ADAMTSL1: variants seen among roughly 807,000 people sequenced by gnomAD.
ADAMTSL1 encodes ADAMTS-like protein 1.
In ADAMTSL1, 126 loss-of-function variants were observed where a neutral mutation model predicts 201.8. The ratio of observed to expected loss-of-function variants is 0.62; its 90% CI spans 0.54 to 0.72. The LOEUF is 0.72. Ranked by LOEUF, ADAMTSL1 falls within the 30% of genes least tolerant of loss-of-function variation. The pLI, the probability that ADAMTSL1 is intolerant of heterozygous loss-of-function variation, is 0.00. For synonymous variants in ADAMTSL1, 1,121 were observed against 903.4 expected (o/e 1.24, Z -4.32); for missense variants, 2,679 against 2,277.8 (o/e 1.18, Z -3.59).
chr9:18,282,061 CA>C (rs1481604038), intron 2 of ADAMTSL1, among the ~76,000 whole-genome samples: 1 of 152,108 alleles, frequency 6.6e-6, no homozygotes, highest in Non-Finnish European at 1.5e-5. Flanking sequence ...ACCCATTACA[CA>C]AATAGTGGAC....
intron 1 of ADAMTSL1, among the ~76,000 whole-genome samples, chr9:18,134,671 C>G (rs10810906): frequency 0.43 from 65,987 of 151,992 alleles, 14,627 homozygotes; most frequent in South Asian, 0.49. Flanking sequence ...TGTGGTGGTT[C>G]TTTCTTTAAA....
chr9:18,491,426 G>A (rs1274567474), intron 1 of ADAMTSL1, among the ~76,000 whole-genome samples: 2 of 152,118 alleles, frequency 1.3e-5, no homozygotes, highest in African/African-American at 2.4e-5. Flanking sequence ...CTTCTTGCTG[G>A]AAACAAAAAG....
At chr9:18,718,116 A>C (rs4977339) in intron 14 of ADAMTSL1, 652,512 of 1,162,632 alleles carry the variant, frequency 0.56, 185,882 homozygotes, top group Admixed American at 0.68. Context: ...CAGTTGTTCC[A>C]TTGTCTTGCT....
intron 7 of ADAMTSL1, among the ~76,000 whole-genome samples, chr9:18,642,217 A>G (rs928390520): frequency 6.6e-6 from 1 of 152,014 alleles, no homozygotes; most frequent in Non-Finnish European, 1.5e-5. Context: ...TTTTTCTTCA[A>G]GGCATGGCAG....
At chr9:18,854,239 C>G (rs1158290779) in intron 23 of ADAMTSL1, among the ~76,000 whole-genome samples, 1 of 151,090 alleles carries the variant, frequency 6.6e-6, no homozygotes, top group African/African-American at 2.4e-5. Context: ...CATATGCACG[C>G]ACACACACAC....
intron 1 of ADAMTSL1, among the ~76,000 whole-genome samples, chr9:18,158,636 C>G (rs1021913240): frequency 6.6e-6 from 1 of 151,992 alleles, no homozygotes; most frequent in Non-Finnish European, 1.5e-5. Flanking sequence ...CATTCAACAT[C>G]TTTAATAAAG....
At chr9:18,595,943 C>T (rs898102965) in intron 4 of ADAMTSL1, among the ~76,000 whole-genome samples, 2 of 152,186 alleles carry the variant, frequency 1.3e-5, no homozygotes, top group Non-Finnish European at 2.9e-5. Flanking sequence ...CTTTCACAGA[C>T]TCCTATCTGA....
At chr9:18,365,947 T>G in intron 2 of ADAMTSL1, among the ~76,000 whole-genome samples, 1 of 152,142 alleles carries the variant, frequency 6.6e-6, no homozygotes, top group Non-Finnish European at 1.5e-5. Flanking sequence ...ATCTAATGCC[T>G]GATGATTTGA....
chr9:18,823,854 T>C (rs1283061491), intron 21 of ADAMTSL1, among the ~76,000 whole-genome samples: 1 of 152,078 alleles, frequency 6.6e-6, no homozygotes, highest in African/African-American at 2.4e-5. Context: ...CTGGGCGTGG[T>C]GGTGCACGCC....
chr9:17,924,488 A>T (rs1027579219), intron 1 of ADAMTSL1, among the ~76,000 whole-genome samples: 2 of 151,920 alleles, frequency 1.3e-5, no homozygotes, highest in Non-Finnish European at 2.9e-5. Context: ...ACAGCATGGT[A>T]CTGGTACCAA....
At chr9:18,571,657 C>G (rs1027237023) in intron 3 of ADAMTSL1, among the ~76,000 whole-genome samples, 1 of 152,142 alleles carries the variant, frequency 6.6e-6, no homozygotes, top group African/African-American at 2.4e-5. Context: ...GACAGAGACT[C>G]TATCGTATCT....
chr9:18,134,839 A>G (rs1167347017), intron 1 of ADAMTSL1, among the ~76,000 whole-genome samples: 3 of 152,182 alleles, frequency 2.0e-5, no homozygotes, highest in African/African-American at 7.2e-5. Context: ...TTTAGCACAG[A>G]CAATAAGGAC....
intron 1 of ADAMTSL1, among the ~76,000 whole-genome samples, chr9:18,086,112 T>C (rs1006932220): frequency 6.6e-6 from 1 of 152,072 alleles, no homozygotes; most frequent in Non-Finnish European, 1.5e-5. Context: ...AGATAATTTT[T>C]TGAGGGAAAT....
chr9:18,908,438 C>A lies in ADAMTSL1; in HGVS notation c.5183-4C>A. The A allele has an allele frequency of 6.4e-7, 1 of 1,554,696 alleles. No homozygotes were observed. Among genetic ancestry groups the A allele is most frequent in the East Asian group, 2.4e-5 (1 of 41,130 alleles). On this transcript the variant is annotated splice_polypyrimidine_tract_variant and splice_region_variant and intron_variant, in intron 28 of 28. Coordinates refer to ENST00000380548, the MANE Select transcript of ADAMTSL1 (RefSeq NM_001040272.6). ...CCTCTCCCGACCCCGTCCTCCTTTC[C>A]CAGTGGAGTGCAGAGACACCACCAG...
At chr9:18,414,600 T>G (rs1375128511) in intron 2 of ADAMTSL1, among the ~76,000 whole-genome samples, 1 of 152,190 alleles carries the variant, frequency 6.6e-6, no homozygotes, top group Non-Finnish European at 1.5e-5. Flanking sequence ...TGCTCTAACT[T>G]ACTTCCTTGA....
intron 2 of ADAMTSL1, among the ~76,000 whole-genome samples, chr9:18,382,360 G>T (rs950578168): frequency 6.6e-6 from 1 of 152,128 alleles, no homozygotes; most frequent in African/African-American, 2.4e-5. Context: ...TATCACATGT[G>T]ACCTTCTCAT....
At chr9:18,651,822 C>G (rs1460498184) in intron 7 of ADAMTSL1, among the ~76,000 whole-genome samples, 2 of 151,988 alleles carry the variant, frequency 1.3e-5, no homozygotes, top group Non-Finnish European at 2.9e-5. Context: ...GGATACAAAA[C>G]TTGCTTTTAT....
intron 2 of ADAMTSL1, among the ~76,000 whole-genome samples, chr9:18,515,113 A>G (rs1169998481): frequency 1.3e-5 from 2 of 152,198 alleles, no homozygotes; most frequent in African/African-American, 2.4e-5. Flanking sequence ...CTTTTAAAAA[A>G]AATACAGATA....
intron 2 of ADAMTSL1, among the ~76,000 whole-genome samples, chr9:18,376,029 C>T (rs867120367): frequency 6.6e-6 from 1 of 152,174 alleles, no homozygotes; most frequent in Non-Finnish European, 1.5e-5. Flanking sequence ...TTTTACAATC[C>T]TCTTGTAAAA....
Sources: gnomAD v4.1 joint callset for allele counts (sites outside exome capture counted in the v4.1 genomes callset) on GRCh38, gnomAD v4.1.1 for gene constraint, MANE v1.5 for transcripts, NCBI Gene and HGNC (gene_info 2026-07-23, HGNC 2026-07-21) for gene names.